SEC14L4: variants seen among roughly 807,000 people sequenced by gnomAD.
SEC14L4 encodes SEC14-like protein 4.
A neutral mutation model predicts 55.1 loss-of-function variants in SEC14L4; 42 were observed. That is an observed-to-expected ratio of 0.76 (90% CI 0.60 to 0.99). SEC14L4 has a LOEUF of 0.99. Among genes scored for constraint, SEC14L4 ranks in the 50% least tolerant of loss-of-function variants. The pLI, the probability that SEC14L4 is intolerant of heterozygous loss-of-function variation, is 0.00. For missense variants in SEC14L4, 445 were observed against 512.1 expected (o/e 0.87, Z 1.27); for synonymous variants, 206 against 206.8 (o/e 1.00, Z 0.03).
At chr22:30,491,524 A>AG (rs1190361262) in intron 11 of SEC14L4, 49 bp downstream of exon 11, 1 of 1,608,134 alleles carries the variant, frequency 6.2e-7, no homozygotes, top group East Asian at 2.2e-5. Context: ...GGGCAAGCAG[A>AG]GGGGAGACTG....
At chr22:30,498,329 A>C (rs917855177) in intron 2 of SEC14L4, among the ~76,000 whole-genome samples, 1 of 151,812 alleles carries the variant, frequency 6.6e-6, no homozygotes, top group African/African-American at 2.4e-5. Context: ...TTGAACTCCT[A>C]ACTTCAAGCG....
At chr22:30,495,795 T>C in intron 3 of SEC14L4, 133 bp downstream of exon 3, 1 of 1,595,280 alleles carries the variant, frequency 6.3e-7, no homozygotes, top group Non-Finnish European at 8.5e-7. Flanking sequence ...TTGGGTCTGA[T>C]GCAGAAAGAG....
intron 11 of SEC14L4, among the ~76,000 whole-genome samples, chr22:30,491,128 C>T (rs752747360): frequency 9.2e-5 from 14 of 152,180 alleles, no homozygotes; most frequent in Non-Finnish European, 1.9e-4. Flanking sequence ...CAGTGGTGTC[C>T]CTGAGCAATG....
chr22:30,499,436 C>G (rs957876312), intron 2 of SEC14L4, among the ~76,000 whole-genome samples: 2 of 151,220 alleles, frequency 1.3e-5, no homozygotes. Context: ...TGAGAATTTT[C>G]TTTTTTAAAA....
chr22:30,492,466 T>TCG lies in SEC14L4; in HGVS notation c.664+6_664+7dup, dbSNP rs772045457. On this transcript the variant is annotated splice_region_variant and intron_variant, in intron 8 of 11. Transcript: ENST00000255858. ...AGATGGACACAACCAGGGGGCCACG[T>TCG]CGCTCACCTCCCAGAATCACAATCT... is the stretch of plus-strand genomic sequence containing the variant. 1 of 1,612,166 alleles carries TCG rather than the reference T, an allele frequency of 6.2e-7. No individual in the cohort carries two copies. The highest frequency in any genetic ancestry group is 2.2e-5 in the East Asian group (1 of 44,866).
At chr22:30,491,768 G>T in intron 10 of SEC14L4, 26 bp from the exon 11 acceptor site, 2 of 1,612,806 alleles carry the variant, frequency 1.2e-6, no homozygotes, top group Non-Finnish European at 1.7e-6. Flanking sequence ...CCCCATTGGC[G>T]ACCCCCTGCC....
intron 2 of SEC14L4, among the ~76,000 whole-genome samples, chr22:30,502,146 G>A (rs1442163498): frequency 2.0e-5 from 3 of 151,742 alleles, no homozygotes; most frequent in African/African-American, 2.4e-5. Context: ...GATTACAAGC[G>A]TGAACCACAG....
At chr22:30,494,983 A>T in intron 5 of SEC14L4, 22 bp from the exon 6 acceptor site, 1 of 1,601,856 alleles carries the variant, frequency 6.2e-7, no homozygotes, top group South Asian at 1.1e-5. Context: ...AGAGTCATAT[A>T]GGTCAGACGA....
At chr22:30,494,075 A>G in intron 7 of SEC14L4, 75 bp downstream of exon 7, 1 of 1,138,154 alleles carries the variant, frequency 8.8e-7, no homozygotes, top group African/African-American at 1.5e-5. Context: ...GAAGCCTTTA[A>G]CTCCATGGCT....
chr22:30,494,354 G>C, intron 6 of SEC14L4, 144 bp from the exon 7 acceptor site: 11 of 676,272 alleles, frequency 1.6e-5, no homozygotes, highest in Non-Finnish European at 1.1e-5. Flanking sequence ...CTTCCTCTCT[G>C]TTATTCTTTT....
chr22:30,496,171 A>G (rs1327130662), intron 2 of SEC14L4, among the ~76,000 whole-genome samples, 200 bp from the exon 3 acceptor site: 1 of 152,144 alleles, frequency 6.6e-6, no homozygotes, highest in East Asian at 1.9e-4. Flanking sequence ...CCCAGGCCAG[A>G]GTGCAGTGAT....
At position 30,491,586 on chromosome 22, in the gene SEC14L4, G is replaced by A. The variant is rs141872549; in HGVS notation, c.1068C>T (p.Leu356=). 1.2e-5 allele frequency: 20 copies of A among 1,614,030 alleles called. No homozygotes were observed. The East Asian group carries it at 1.8e-4, about 14-fold the overall frequency. Residue 356 remains leucine, a synonymous_variant, in exon 11 of 12, where the codon CTC becomes CTT. Transcript: ENST00000255858. ...MVPEDGSLTC[L]QAGVYVLRFD... Reference sequence around the variant, plus strand: ...CGCAGCTCTTACAGACGCCAGCCTGGAGGCAGGTGAGGCTCCCATCCTCAG... The same window carrying A: ...CGCAGCTCTTACAGACGCCAGCCTGAAGGCAGGTGAGGCTCCCATCCTCAG...
chr22:30,503,509 T>C (rs1936396386), intron 2 of SEC14L4, among the ~76,000 whole-genome samples, 168 bp downstream of exon 2: 1 of 152,022 alleles, frequency 6.6e-6, no homozygotes, highest in Admixed American at 6.6e-5. Context: ...GTGATCTGCC[T>C]GCCTCGGCCT....
rs754216739 is a variant in SEC14L4 at position 30,491,562 on chromosome 22, G to A, written c.1081+11C>T. The A allele has an allele frequency of 6.2e-6, 10 of 1,613,848 alleles. No homozygotes were observed. The highest frequency in any genetic ancestry group is 1.6e-4 in the Middle Eastern group (1 of 6,082). Reference sequence around the variant, plus strand: ...AGGGAAAACAATTCCAGTAAACCCCGCAGCTCTTACAGACGCCAGCCTGGA... The same window carrying A: ...AGGGAAAACAATTCCAGTAAACCCCACAGCTCTTACAGACGCCAGCCTGGA... On this transcript the variant is annotated intron_variant, in intron 11 of 11. Transcript: ENST00000255858.
chr22:30,489,602 G>T lies in SEC14L4; in HGVS notation c.*505C>A, dbSNP rs1199169861. ...TTGGATGGGCCCCAGTGCTCTGCTG[G>T]AACCAGGACCCTCACCCAGCTGCCT... On this transcript the variant is annotated 3_prime_UTR_variant, in exon 12 of 12. Transcript: ENST00000255858. The T allele has an allele frequency of 1.9e-5, 11 of 576,190 alleles. No individual in the cohort carries two copies. Among genetic ancestry groups the T allele is most frequent in the Non-Finnish European group, 3.1e-5 (10 of 323,708 alleles). The allele number at this position is 576,190 out of a possible 1,614,324, so 35.7% of individuals were successfully genotyped here. A position where few individuals can be genotyped will look rare whatever the true frequency, so the allele number is the denominator to read the frequency against.
At chr22:30,491,502 G>C in intron 11 of SEC14L4, 71 bp downstream of exon 11, 10 of 1,580,996 alleles carry the variant, frequency 6.3e-6, no homozygotes, top group Non-Finnish European at 8.7e-6. Context: ...CCTCCCGAGA[G>C]CTGGAAAGAG....
rs374271542 is a variant in SEC14L4 at position 30,503,357 on chromosome 22, C to T, written c.130+320G>A. Reference sequence around the variant, plus strand: ...TCGGCTTACCGCAACCTCTGCCTCCCGGGTTCAAGCGATTCTCCTGCCTCA... The same window carrying T: ...TCGGCTTACCGCAACCTCTGCCTCCTGGGTTCAAGCGATTCTCCTGCCTCA... On this transcript the variant is annotated intron_variant, in intron 2 of 11. Coordinates refer to ENST00000255858, the MANE Select transcript of SEC14L4 (RefSeq NM_174977.4). Among the ~76,000 whole-genome samples, 93 of 151,988 alleles carry T rather than the reference C, an allele frequency of 6.1e-4. No homozygotes were observed. The South Asian group carries it at 0.019, about 31-fold the overall frequency.
At chr22:30,500,529 G>T (rs1459773410) in intron 2 of SEC14L4, among the ~76,000 whole-genome samples, 1 of 151,776 alleles carries the variant, frequency 6.6e-6, no homozygotes, top group Non-Finnish European at 1.5e-5. Context: ...AACACACCCG[G>T]CTTATTTTTG....
chr22:30,495,184 G>A (rs1936098777), intron 5 of SEC14L4, 70 bp downstream of exon 5: 2 of 1,418,712 alleles, frequency 1.4e-6, no homozygotes, highest in Non-Finnish European at 9.4e-7. Context: ...GAGGGGCAGG[G>A]TGCCACCCTT....
Sources: allele counts gnomAD v4.1 joint callset (sites outside exome capture counted in the v4.1 genomes callset), GRCh38; gene constraint gnomAD v4.1.1; transcripts MANE v1.5; gene names NCBI Gene and HGNC (gene_info 2026-07-23, HGNC 2026-07-21).